KCNH8: variants seen among roughly 807,000 people sequenced by gnomAD.
KCNH8 encodes the protein potassium voltage-gated channel subfamily H member 8.
In KCNH8, 70 loss-of-function variants were observed where a neutral mutation model predicts 103.6. The ratio of observed to expected loss-of-function variants is 0.68; its 90% confidence interval spans 0.56 to 0.82. The LOEUF (loss-of-function observed/expected upper bound fraction) is 0.82. KCNH8 is among the 40% of genes least tolerant of loss of function. KCNH8 has a pLI of 0.00. For missense variants in KCNH8, 1,217 were observed against 1,329.9 expected, an observed-to-expected ratio of 0.92 and a Z score of 1.32; for synonymous variants, 498 against 489.4, an observed-to-expected ratio of 1.02 and a Z score of -0.23.
intron 1 of KCNH8, among the ~76,000 whole-genome samples, chr3:19,170,808 A>AT (rs1331802978): frequency 0.015 from 1,541 of 100,126 alleles, 59 homozygotes; most frequent in African/African-American, 0.031. Context: ...ATATATATAT[A>AT]TATTTTTTTT....
chr3:19,482,079 G>A (rs1297278943), intron 11 of KCNH8, among the ~76,000 whole-genome samples: 2 of 152,174 alleles, frequency 1.3e-5, no homozygotes, highest in East Asian at 3.9e-4. Context: ...GTCCATGTGA[G>A]AGGGTCGTGA....
At chr3:19,447,643 G>C (rs565266260) in intron 8 of KCNH8, among the ~76,000 whole-genome samples, 1 of 152,124 alleles carries the variant, frequency 6.6e-6, no homozygotes, top group African/African-American at 2.4e-5. Flanking sequence ...AAGGGTGCCT[G>C]AAGTCGATGT....
At chr3:19,198,921 T>C (rs2125215849) in intron 1 of KCNH8, among the ~76,000 whole-genome samples, 1 of 150,386 alleles carries the variant, frequency 6.6e-6, no homozygotes, top group Non-Finnish European at 1.5e-5. Context: ...AAAAGAGGGG[T>C]TTCAAACAAG....
At chr3:19,379,412 T>C (rs914989705) in intron 5 of KCNH8, among the ~76,000 whole-genome samples, 17 of 152,100 alleles carry the variant, frequency 1.1e-4, no homozygotes, top group African/African-American at 4.1e-4. Flanking sequence ...GAGGCCATGG[T>C]GGGCAGATCA....
intron 2 of KCNH8, among the ~76,000 whole-genome samples, chr3:19,256,019 A>G (rs1012841066): frequency 6.6e-6 from 1 of 152,098 alleles, no homozygotes; most frequent in African/African-American, 2.4e-5. Flanking sequence ...GTGTAACAAT[A>G]TTTAAATTGT....
intron 7 of KCNH8, among the ~76,000 whole-genome samples, chr3:19,414,601 AAAAT>A (rs1403441144): frequency 6.6e-6 from 1 of 152,150 alleles, no homozygotes; most frequent in East Asian, 1.9e-4. Flanking sequence ...AAAAGGATTG[AAAAT>A]AAACCCAATG....
chr3:19,400,870 G>A (rs184206381), intron 7 of KCNH8, among the ~76,000 whole-genome samples: 5 of 152,000 alleles, frequency 3.3e-5, no homozygotes, highest in Admixed American at 3.3e-4. Flanking sequence ...AACTGCATCG[G>A]TTTTCCTAAA....
chr3:19,241,721 CAG>C (rs2064144021), intron 1 of KCNH8, among the ~76,000 whole-genome samples: 1 of 128,330 alleles, frequency 7.8e-6, no homozygotes, highest in African/African-American at 2.8e-5. Context: ...AATACACACA[CAG>C]ACACACACAC....
intron 8 of KCNH8, among the ~76,000 whole-genome samples, chr3:19,449,749 A>G (rs770676399): frequency 3.9e-5 from 6 of 152,170 alleles, no homozygotes; most frequent in Non-Finnish European, 8.8e-5. Context: ...CTATCAAACT[A>G]TACATAACTA....
intron 11 of KCNH8, among the ~76,000 whole-genome samples, chr3:19,470,389 T>C (rs950671299): frequency 4.6e-5 from 7 of 152,208 alleles, no homozygotes; most frequent in Non-Finnish European, 1.0e-4. Context: ...TTCATTCTTC[T>C]CTCCTTCAGT....
intron 2 of KCNH8, among the ~76,000 whole-genome samples, chr3:19,259,647 C>A (rs1383148929): frequency 6.6e-6 from 1 of 151,588 alleles, no homozygotes; most frequent in Non-Finnish European, 1.5e-5. Flanking sequence ...ATTTAATTAT[C>A]TGATGACATA....
chr3:19,204,887 A>G (rs1206900080), intron 1 of KCNH8, among the ~76,000 whole-genome samples: 1 of 152,086 alleles, frequency 6.6e-6, no homozygotes, highest in Non-Finnish European at 1.5e-5. Flanking sequence ...GCTCTCAGAA[A>G]TCTTTGCGCT....
intron 3 of KCNH8, among the ~76,000 whole-genome samples, chr3:19,315,102 G>A (rs999896577): frequency 6.6e-6 from 1 of 151,944 alleles, no homozygotes; most frequent in Admixed American, 6.6e-5. Context: ...GGTAAGAAAA[G>A]AGCTCCTCCA....
intron 11 of KCNH8, among the ~76,000 whole-genome samples, chr3:19,503,262 A>T (rs1462345223): frequency 1.3e-5 from 2 of 149,846 alleles, no homozygotes; most frequent in African/African-American, 4.9e-5. Context: ...GGCAATCATT[A>T]AAAAGTCAGG....
At chr3:19,212,571 A>G (rs1462792781) in intron 1 of KCNH8, among the ~76,000 whole-genome samples, 1 of 152,206 alleles carries the variant, frequency 6.6e-6, no homozygotes, top group Non-Finnish European at 1.5e-5. Context: ...CAAGGCATCT[A>G]GCACTGTACT....
chr3:19,419,195 G>GTTTTTTTTTTTTTTT (rs1559318835), intron 7 of KCNH8, among the ~76,000 whole-genome samples: 2 of 128,754 alleles, frequency 1.6e-5, no homozygotes, highest in African/African-American at 5.8e-5. Flanking sequence ...AATGGTTTTG[G>GTTTTTTTTTTTTTTT]TTTTTTTTTT....
intron 1 of KCNH8, among the ~76,000 whole-genome samples, chr3:19,170,771 T>C (rs1428403596): frequency 1.1e-3 from 129 of 116,834 alleles, no homozygotes; most frequent in African/African-American, 4.4e-3. Context: ...CACACATATA[T>C]ATACACACAC....
intron 1 of KCNH8, among the ~76,000 whole-genome samples, chr3:19,206,664 T>C (rs949885962): frequency 2.0e-5 from 3 of 151,862 alleles, no homozygotes. Flanking sequence ...CTATACCCGG[T>C]AGATAAGAGT....
At chr3:19,359,761 A>AT (rs1385088895) in intron 5 of KCNH8, among the ~76,000 whole-genome samples, 1 of 152,094 alleles carries the variant, frequency 6.6e-6, no homozygotes, top group Non-Finnish European at 1.5e-5. Flanking sequence ...AGTTGTGTAT[A>AT]TATAGTATGC....
Sources: gnomAD v4.1 joint callset for allele counts (sites outside exome capture counted in the v4.1 genomes callset) on GRCh38, gnomAD v4.1.1 for gene constraint, MANE v1.5 for transcripts, NCBI Gene and HGNC (gene_info 2026-07-23, HGNC 2026-07-21) for gene names.